DOCK2: variants seen among roughly 807,000 people sequenced by gnomAD.
DOCK2 encodes the protein dedicator of cytokinesis 2, also known as dedicator of cytokinesis protein 2.
In DOCK2, 87 loss-of-function variants were observed where a neutral mutation model predicts 248.9. The ratio of observed to expected loss-of-function variants is 0.35; its 90% CI spans 0.29 to 0.42. DOCK2 has a LOEUF of 0.42. DOCK2 is among the 10% of genes least tolerant of loss of function. The pLI is 1.00. For missense variants in DOCK2, 1,747 were observed against 2,300.2 expected, an observed-to-expected ratio of 0.76 and a Z score of 4.92; for synonymous variants, 805 against 821.6, an observed-to-expected ratio of 0.98 and a Z score of 0.35.
chr5:169,885,571 G>A (rs1772926301), intron 27 of DOCK2, among the ~76,000 whole-genome samples: 1 of 152,164 alleles, frequency 6.6e-6, no homozygotes, highest in Non-Finnish European at 1.5e-5. Context: ...CTTCTCTGAG[G>A]AACAACTACC....
At chr5:169,844,919 C>T (rs924029025) in intron 27 of DOCK2, among the ~76,000 whole-genome samples, 1 of 152,014 alleles carries the variant, frequency 6.6e-6, no homozygotes, top group African/African-American at 2.4e-5. Context: ...GCTTCTTATG[C>T]ACTGTATTCA....
chr5:169,758,973 A>G (rs1477199170), intron 23 of DOCK2, among the ~76,000 whole-genome samples: 3 of 152,216 alleles, frequency 2.0e-5, no homozygotes, highest in African/African-American at 7.2e-5. Flanking sequence ...ACCCTTACAC[A>G]TTATTTTCCA....
intron 27 of DOCK2, among the ~76,000 whole-genome samples, chr5:169,971,011 G>A (rs1051053474): frequency 2.3e-4 from 35 of 152,236 alleles, no homozygotes; most frequent in Non-Finnish European, 2.4e-4. Context: ...GAGGACCTGC[G>A]TTCATGCCAA....
At chr5:170,077,619 G>A (rs1757880029) in intron 47 of DOCK2, 91 bp from the exon 48 acceptor site, 1 of 1,564,696 alleles carries the variant, frequency 6.4e-7, no homozygotes, top group African/African-American at 1.4e-5. Flanking sequence ...CCACAACTCT[G>A]CCCTGCCTAG....
intron 6 of DOCK2, among the ~76,000 whole-genome samples, chr5:169,678,564 A>G (rs1193035171): frequency 6.6e-6 from 1 of 152,168 alleles, no homozygotes; most frequent in Non-Finnish European, 1.5e-5. Flanking sequence ...AGCCTGGCCA[A>G]GAAAAAAGTT....
intron 27 of DOCK2, among the ~76,000 whole-genome samples, chr5:169,972,327 T>A (rs1235601090): frequency 6.6e-6 from 1 of 152,182 alleles, no homozygotes; most frequent in Non-Finnish European, 1.5e-5. Flanking sequence ...CCTTTATGGA[T>A]CAGAGCTTCT....
chr5:169,758,603 A>T (rs534340213), intron 23 of DOCK2, among the ~76,000 whole-genome samples: 2 of 152,348 alleles, frequency 1.3e-5, no homozygotes, highest in East Asian at 3.9e-4. Flanking sequence ...AGCCTGCCTG[A>T]ATTTGAATCC....
At chr5:169,818,255 C>G (rs539641729) in intron 26 of DOCK2, among the ~76,000 whole-genome samples, 1 of 152,204 alleles carries the variant, frequency 6.6e-6, no homozygotes, top group Non-Finnish European at 1.5e-5. Context: ...CCCAGCTTTA[C>G]GATGTCTGTT....
intron 27 of DOCK2, among the ~76,000 whole-genome samples, chr5:169,913,111 T>G (rs1774699369): frequency 6.6e-6 from 1 of 152,228 alleles, no homozygotes; most frequent in Non-Finnish European, 1.5e-5. Context: ...TCCTGTCATT[T>G]GAAACAGGTC....
intron 22 of DOCK2, among the ~76,000 whole-genome samples, chr5:169,729,415 C>T (rs1323197856): frequency 1.3e-5 from 2 of 152,164 alleles, no homozygotes; most frequent in African/African-American, 2.4e-5. Flanking sequence ...TTGAAAAGGA[C>T]TTCATCATGT....
intron 22 of DOCK2, among the ~76,000 whole-genome samples, chr5:169,736,251 T>G (rs1302474182): frequency 1.3e-5 from 2 of 152,180 alleles, no homozygotes; most frequent in African/African-American, 4.8e-5. Flanking sequence ...GTGGCTTGCT[T>G]CCTGGGGTAA....
chr5:170,060,602 C>T (rs1757295568), intron 44 of DOCK2, among the ~76,000 whole-genome samples: 1 of 152,176 alleles, frequency 6.6e-6, no homozygotes, highest in South Asian at 2.1e-4. Context: ...AAAACTGAGG[C>T]CTAGCAATGG....
chr5:170,046,462 G>A (rs374265776), intron 39 of DOCK2, among the ~76,000 whole-genome samples: 3 of 152,026 alleles, frequency 2.0e-5, no homozygotes, highest in African/African-American at 2.4e-5. Context: ...CTTCCCTCCC[G>A]CCCATCCTCC....
rs1252462939 is a variant in DOCK2, at chr5:169,763,490, A to G, written c.2554+1865A>G. Among the ~76,000 whole-genome samples the G allele has an allele frequency of 6.6e-6, 1 of 152,206 alleles. No homozygotes were observed. The highest frequency in any genetic ancestry group is 1.5e-5 in the Non-Finnish European group (1 of 68,030). On this transcript the variant is annotated intron_variant, in intron 25 of 51. Coordinates refer to ENST00000520908, the MANE Select transcript of DOCK2 (RefSeq NM_004946.3). This position sits in a 1 kb window ranked among gnomAD's most constrained non-coding sequence, Gnocchi z 4.1. ...GGGCCCGGCTTGGCATCAAGGCCAG[A>G]TGGAGTGCTAGCACGGGCCTGGGCT...
At chr5:169,698,335 A>G in intron 10 of DOCK2, 39 bp from the exon 11 acceptor site, 3 of 1,603,510 alleles carry the variant, frequency 1.9e-6, no homozygotes, top group Non-Finnish European at 2.6e-6. Flanking sequence ...TGGGAACAGG[A>G]AGAAGTTAAA....
At chr5:169,920,479 C>CA (rs1430481175) in intron 27 of DOCK2, among the ~76,000 whole-genome samples, 1 of 152,016 alleles carries the variant, frequency 6.6e-6, no homozygotes, top group African/African-American at 2.4e-5. Flanking sequence ...TTTGGCTCAA[C>CA]AGTTTGTTGG....
intron 27 of DOCK2, among the ~76,000 whole-genome samples, chr5:169,860,722 T>G (rs1168940211): frequency 6.6e-6 from 1 of 152,184 alleles, no homozygotes; most frequent in Non-Finnish European, 1.5e-5. Context: ...GAAAGTTGTT[T>G]TCTTTTCAAT....
chr5:169,698,184 G>T (rs1372882995), intron 10 of DOCK2, among the ~76,000 whole-genome samples, 190 bp from the exon 11 acceptor site: 1 of 152,062 alleles, frequency 6.6e-6, no homozygotes, highest in Non-Finnish European at 1.5e-5. Flanking sequence ...GGAGGTATTT[G>T]CCCTGGTGCT....
intron 27 of DOCK2, chr5:169,884,255 G>A: frequency 5.6e-6 from 1 of 178,648 alleles, no homozygotes; most frequent in East Asian, 1.5e-4. Flanking sequence ...GAAGAAGCTG[G>A]CTGTCTTGAA....
Sources: allele counts gnomAD v4.1 joint callset (sites outside exome capture counted in the v4.1 genomes callset), GRCh38; gene constraint gnomAD v4.1.1; non-coding constraint Gnocchi (gnomAD v3.1); transcripts MANE v1.5; gene names NCBI Gene and HGNC (gene_info 2026-07-23, HGNC 2026-07-21).